Variants in ZPBP2 observed in about 807,000 individuals in gnomAD.
The protein encoded by ZPBP2 is zona pellucida binding protein 2, also known as zona pellucida-binding protein 2.
Under a neutral mutation model 37.5 loss-of-function variants are expected in ZPBP2, and 34 were observed. That is an observed-to-expected ratio of 0.91 (90% CI 0.69 to 1.21). The LOEUF (loss-of-function observed/expected upper bound fraction) is 1.21, where lower values mean the gene tolerates loss of function less well. Among genes scored for constraint, ZPBP2 ranks in the 50% most tolerant of loss-of-function variants. The pLI, the probability that ZPBP2 is intolerant of heterozygous loss-of-function variation, is 0.00. For synonymous variants in ZPBP2, 143 were observed against 138.4 expected (o/e 1.03, Z -0.23); for missense variants, 397 against 413.5 (o/e 0.96, Z 0.35).
rs1406991971 is a variant in ZPBP2, at chr17:39,868,425, G to C, written c.52+19G>C. 1 of 1,611,052 alleles carries C rather than the reference G, an allele frequency of 6.2e-7. No individual in the cohort carries two copies. Among genetic ancestry groups the C allele is most frequent in the African/African-American group, 1.3e-5 (1 of 74,912 alleles). ...ACAGGAGGTGGGGCTCCCTCCACCCGGTCCCCAGGCCTCTCCCTCTGCCCG... is the reference window on the plus strand; with the variant it reads ...ACAGGAGGTGGGGCTCCCTCCACCCCGTCCCCAGGCCTCTCCCTCTGCCCG... On this transcript the variant is annotated intron_variant, in intron 1 of 7. Coordinates refer to ENST00000348931, the MANE Select transcript of ZPBP2 (RefSeq NM_199321.3).
At chr17:39,875,528 A>G in intron 7 of ZPBP2, 94 bp downstream of exon 7, 2 of 943,084 alleles carry the variant, frequency 2.1e-6, no homozygotes, top group Non-Finnish European at 2.9e-6. Flanking sequence ...GAATCTTTAC[A>G]GTGATTCTCT....
At chr17:39,873,750 A>G (rs1037720605) in intron 6 of ZPBP2, among the ~76,000 whole-genome samples, 1 of 152,088 alleles carries the variant, frequency 6.6e-6, no homozygotes, top group African/African-American at 2.4e-5. Context: ...TGCTTCCAAA[A>G]TTATATCTAT....
rs1346205917 is a variant in ZPBP2 at position 39,871,594 on chromosome 17, A to G, written c.375A>G (p.Thr125=). 3.8e-6 allele frequency: 6 copies of G among 1,592,502 alleles called. No individual in the cohort carries two copies. The highest frequency in any genetic ancestry group is 5.1e-6 in the Non-Finnish European group (6 of 1,172,132). Residue 125 remains threonine, a synonymous_variant, in exon 4 of 8, where the codon ACA becomes ACG. Coordinates refer to ENST00000348931, the MANE Select transcript of ZPBP2 (RefSeq NM_199321.3). ...TVKAETQEEK[T]VKKRYDFMVF... is the part of the protein sequence containing the mutation. ...AAGCAGAAACTCAAGAAGAAAAAAC[A>G]GTCAAAAAGAGATATGACTTTATGG...
intron 5 of ZPBP2, 21 bp downstream of exon 5, chr17:39,872,509 T>G: frequency 6.7e-7 from 1 of 1,495,378 alleles, no homozygotes; most frequent in Non-Finnish European, 9.0e-7. Flanking sequence ...TAAAATTTCT[T>G]TAATTTTGAA....
At chr17:39,872,809 C>A (rs1378543390) in intron 5 of ZPBP2, among the ~76,000 whole-genome samples, 3 of 152,108 alleles carry the variant, frequency 2.0e-5, no homozygotes, top group African/African-American at 7.2e-5. Context: ...AATAATCAAA[C>A]CAAATTTATT....
At chr17:39,875,072 A>G (rs111396994) in intron 6 of ZPBP2, among the ~76,000 whole-genome samples, 182 bp from the exon 7 acceptor site, 4,111 of 152,314 alleles carry the variant, frequency 0.027, 74 homozygotes, top group Non-Finnish European at 0.042. Flanking sequence ...CATTGCACAT[A>G]TTAATTGACA....
chr17:39,868,703 C>T, intron 2 of ZPBP2, 89 bp downstream of exon 2: 5 of 1,466,720 alleles, frequency 3.4e-6, no homozygotes, highest in Non-Finnish European at 4.7e-6. Flanking sequence ...AGAAGGGGAA[C>T]GAGCCAGCGT....
At chr17:39,875,879 G>A (rs926658209) in intron 7 of ZPBP2, among the ~76,000 whole-genome samples, 1 of 112,816 alleles carries the variant, frequency 8.9e-6, no homozygotes, top group African/African-American at 3.1e-5. Flanking sequence ...ACCATGCTTG[G>A]CCCCTTTTTT....
At chr17:39,874,369 A>G (rs978140955) in intron 6 of ZPBP2, among the ~76,000 whole-genome samples, 1 of 152,062 alleles carries the variant, frequency 6.6e-6, no homozygotes, top group Non-Finnish European at 1.5e-5. Context: ...TGAACGCCCA[A>G]TTATCTACAT....
In ZPBP2 at chr17:39,868,262, C is replaced by T. The variant is rs80231911; in HGVS notation, c.-93C>T. On this transcript the variant is annotated 5_prime_UTR_variant, in exon 1 of 8. Transcript: ENST00000348931. ...GGGAGGCGACCCCGGCGTTCTGCTC[C>T]GCACTGTGGAGGAGGTGGGGAGGTG... The T allele has an allele frequency of 1.4e-3, 2,032 of 1,471,132 alleles. 25 individuals carry two copies. In the African/African-American group the frequency reaches 0.025, roughly 18 times the overall value. 91.1% of individuals were successfully genotyped at this position (1,471,132 alleles called of 1,614,324 possible). A position where few individuals can be genotyped will look rare whatever the true frequency, so the allele number is the denominator to read the frequency against.
chr17:39,875,122 C>A, intron 6 of ZPBP2, 132 bp from the exon 7 acceptor site: 1 of 789,176 alleles, frequency 1.3e-6, no homozygotes. Flanking sequence ...TTGGTGTTAA[C>A]ACACACCTTT....
chr17:39,875,303 A>G lies in ZPBP2; in HGVS notation c.758A>G (p.Tyr253Cys). ...TTTCGGAGCCAAGCATATATTTTCTACCATAACTTTAATAAAACTCTACCA... is the reference window on the plus strand; with the variant it reads ...TTTCGGAGCCAAGCATATATTTTCTGCCATAACTTTAATAAAACTCTACCA... The part of the protein sequence containing the change: ...DFFRSQAYIF[Y>C]HNFNKTLPAM... The change falls in exon 7 of 8, where the codon TAC (tyrosine) becomes TGC (cysteine). Residue 253 changes from tyrosine (Y) to cysteine (C), a missense_variant. Tyr to Cys is a radical substitution (Grantham distance 194). Transcript: ENST00000348931. The G allele has an allele frequency of 6.2e-7, 1 of 1,613,906 alleles. No individual in the cohort carries two copies. The highest frequency in any genetic ancestry group is 1.3e-5 in the African/African-American group (1 of 75,000).
At chr17:39,868,490 C>G in intron 1 of ZPBP2, 59 bp from the exon 2 acceptor site, 1 of 1,613,380 alleles carries the variant, frequency 6.2e-7, no homozygotes, top group Non-Finnish European at 8.5e-7. Context: ...CCCTGCCCTG[C>G]CCGACTCTGA....
Position 39,870,332 on chromosome 17 carries a change from C to T in ZPBP2, c.119-362C>T, listed in dbSNP as rs117064469. ...TGCTGGGATTACAGGCGTGAGCCACCGTGCCCAGGCCTTTTCTGAACTTTT... is the reference window on the plus strand; with the variant it reads ...TGCTGGGATTACAGGCGTGAGCCACTGTGCCCAGGCCTTTTCTGAACTTTT... On this transcript the variant is annotated intron_variant, in intron 2 of 7. Transcript: ENST00000348931. Among the ~76,000 whole-genome samples, 732 of 152,330 alleles carry T rather than the reference C, an allele frequency of 4.8e-3. 3 individuals carry two copies. Among genetic ancestry groups the T allele is most frequent in the Non-Finnish European group, 8.0e-3 (545 of 68,038 alleles).
intron 7 of ZPBP2, among the ~76,000 whole-genome samples, chr17:39,875,889 T>C (rs1305460526): frequency 5.0e-5 from 5 of 99,674 alleles, no homozygotes; most frequent in Non-Finnish European, 1.1e-4. Context: ...GCCCCTTTTT[T>C]TTTTTTTTTT....
chr17:39,872,400 A>G lies in ZPBP2; in HGVS notation c.537A>G (p.Ser179=), dbSNP rs2063369375. The change falls in exon 5 of 8, where the codon TCA becomes TCG. Residue 179 remains serine (S), a synonymous_variant. Transcript: ENST00000348931. ...TGGATAGTCTAATTTCTGATTTGTC[A>G]TGCCATGTCATAGAGCCATCATATA... ...KILDSLISDL[S]CHVIEPSYKC... is the part of the protein sequence containing the mutation. The G allele has an allele frequency of 2.5e-6, 4 of 1,613,456 alleles. No individual in the cohort carries two copies. The highest frequency in any genetic ancestry group is 1.3e-5 in the African/African-American group (1 of 74,900).
chr17:39,874,728 C>T (rs1304278135), intron 6 of ZPBP2, among the ~76,000 whole-genome samples: 3 of 152,146 alleles, frequency 2.0e-5, no homozygotes, highest in Non-Finnish European at 2.9e-5. Context: ...CCACCACGCC[C>T]AGCCTAATCT....
rs2063361209 is a variant in ZPBP2 at position 39,870,738 on chromosome 17, T to C, written c.163T>C (p.Cys55Arg). The change falls in exon 3 of 8, where the codon TGT (cysteine) becomes CGT (arginine). Residue 55 changes from cysteine (C) to arginine (R), a missense_variant. Transcript: ENST00000348931. ...ELHQNSPVLI[C>R]MDFKLSKKEI... ...ACATCAAAATAGTCCAGTCCTTATC[T>C]GTATGGATTTTAAGCTTTCTAAAAA... 1.9e-6 allele frequency: 3 copies of C among 1,556,754 alleles called. No individual in the cohort carries two copies. The East Asian group carries it at 6.8e-5, about 35-fold the overall frequency.
Position 39,871,485 on chromosome 17 carries a change from C to T in ZPBP2, c.266C>T (p.Thr89Ile). ...TLTGNNRINI[T>I]ETGQLMVKDF... ...TTAGGAAATAATAGAATAAATATAA[C>T]TGAAACTGGACAGCTGATGGTGAAA... The change falls in exon 4 of 8, where the codon ACT (threonine) becomes ATT (isoleucine). Residue 89 changes from threonine to isoleucine, a missense_variant. Coordinates refer to ENST00000348931, the MANE Select transcript of ZPBP2 (RefSeq NM_199321.3). 6.3e-7 allele frequency: 1 copy of T among 1,592,380 alleles called. No homozygotes were observed. The highest frequency in any genetic ancestry group is 1.2e-5 in the South Asian group (1 of 86,316).
Sources: gnomAD v4.1 joint callset for allele counts (sites outside exome capture counted in the v4.1 genomes callset) on GRCh38, gnomAD v4.1.1 for gene constraint, MANE v1.5 for transcripts, NCBI Gene and HGNC (gene_info 2026-07-23, HGNC 2026-07-21) for gene names.